The following MET variants were observed in gnomAD, a reference collection of about 807,000 sequenced individuals.
MET encodes hepatocyte growth factor receptor.
MET carries 48 observed loss-of-function variants against 133.1 expected under a neutral mutation model. The ratio of observed to expected loss-of-function variants is 0.36; its 90% CI spans 0.29 to 0.46. The LOEUF (loss-of-function observed/expected upper bound fraction) is 0.46, where lower values mean the gene tolerates loss of function less well. MET is among the 20% of genes least tolerant of loss of function. The pLI is 1.00. For missense variants in MET, 1,442 were observed against 1,695.9 expected, an observed-to-expected ratio of 0.85 and a Z score of 2.63; for synonymous variants, 628 against 616.5, an observed-to-expected ratio of 1.02 and a Z score of -0.28.
At chr7:116,785,247 T>G (rs981921630) in intron 19 of MET, among the ~76,000 whole-genome samples, 2 of 152,264 alleles carry the variant, frequency 1.3e-5, no homozygotes, top group South Asian at 4.1e-4. Flanking sequence ...GTGCAAACTG[T>G]CAGTGGATCT....
intron 2 of MET, among the ~76,000 whole-genome samples, chr7:116,722,887 C>A (rs1418288016): frequency 6.7e-6 from 1 of 148,736 alleles, no homozygotes; most frequent in African/African-American, 2.5e-5. Flanking sequence ...GAGGGTAACC[C>A]GACCTTTCTC....
At chr7:116,716,842 C>T (rs1209871985) in intron 2 of MET, among the ~76,000 whole-genome samples, 2 of 152,226 alleles carry the variant, frequency 1.3e-5, no homozygotes, top group Non-Finnish European at 2.9e-5. Flanking sequence ...CAGCCCGTGG[C>T]TGGCTGGCCG....
intron 19 of MET, among the ~76,000 whole-genome samples, chr7:116,790,331 C>T (rs1363674169): frequency 6.6e-6 from 1 of 152,202 alleles, no homozygotes; most frequent in African/African-American, 2.4e-5. Flanking sequence ...TTGACTACTT[C>T]AGATACCTCA....
At chr7:116,716,467 G>GAGAAAGAAAGAAAGAA (rs531059164) in intron 2 of MET, among the ~76,000 whole-genome samples, 26 of 108,266 alleles carry the variant, frequency 2.4e-4, no homozygotes, top group Middle Eastern at 4.2e-3. Flanking sequence ...AAGAAAGAAA[G>GAGAAAGAAAGAAAGAA]AGAAAGAAAG....
At position 116,759,481 on chromosome 7, in the gene MET, C is replaced by G; in HGVS notation, c.2355C>G (p.Asn785Lys). 3 of 1,613,300 alleles carry G rather than the reference C, an allele frequency of 1.9e-6. No homozygotes were observed. The South Asian group carries it at 3.3e-5, about 18-fold the overall frequency. The change falls in exon 10 of 21, where the codon AAC (asparagine) becomes AAG (lysine). Residue 785 changes from asparagine (N) to lysine (K), a missense_variant. By Grantham distance (94) the Asn-to-Lys change is moderately conservative. Coordinates refer to ENST00000397752, the MANE Select transcript of MET (RefSeq NM_000245.4). Reference protein sequence around the residue: ...MVINVHEAGRNFTVACQHRSN... With the variant: ...MVINVHEAGRKFTVACQHRSN... ...TAAATGTGCATGAAGCAGGAAGGAA[C>G]TTTACAGTGGTAAGTCCTTTGAGCA...
intron 1 of MET, among the ~76,000 whole-genome samples, chr7:116,689,022 C>G (rs1412196289): frequency 3.3e-5 from 5 of 152,114 alleles, no homozygotes; most frequent in Non-Finnish European, 7.4e-5. Context: ...TCTCCTATAG[C>G]CACCTGTATT....
At chr7:116,722,306 C>T (rs1314723459) in intron 2 of MET, among the ~76,000 whole-genome samples, 1 of 151,066 alleles carries the variant, frequency 6.6e-6, no homozygotes, top group African/African-American at 2.4e-5. Flanking sequence ...ATTGCAACCC[C>T]TGCCTTTTTT....
At chr7:116,672,842 G>A (rs1190849945) in intron 1 of MET, among the ~76,000 whole-genome samples, 1 of 152,150 alleles carries the variant, frequency 6.6e-6, no homozygotes, top group African/African-American at 2.4e-5. Context: ...GGTGATGTGT[G>A]ACTGTTACGG....
intron 1 of MET, among the ~76,000 whole-genome samples, chr7:116,698,476 T>C (rs1797043755): frequency 6.6e-6 from 1 of 152,212 alleles, no homozygotes; most frequent in Non-Finnish European, 1.5e-5. Flanking sequence ...TATAGCCAAA[T>C]TATAACCATA....
intron 9 of MET, among the ~76,000 whole-genome samples, chr7:116,759,099 C>T (rs548105693): frequency 6.6e-6 from 1 of 152,136 alleles, no homozygotes; most frequent in African/African-American, 2.4e-5. Context: ...AGTCTAGCAA[C>T]AATAGTTAAG....
chr7:116,742,537 A>T (rs1345664285), intron 5 of MET, among the ~76,000 whole-genome samples: 1 of 152,262 alleles, frequency 6.6e-6, no homozygotes, highest in African/African-American at 2.4e-5. Flanking sequence ...TTTCAAAAAT[A>T]ACCAAGCTGG....
At chr7:116,759,260 T>A (rs749876472) in intron 9 of MET, 131 bp from the exon 10 acceptor site, 7 of 1,368,014 alleles carry the variant, frequency 5.1e-6, no homozygotes, top group Non-Finnish European at 6.0e-6. Context: ...CAGTTACCCA[T>A]GAACTTCCAT....
At position 116,712,926 on chromosome 7, in the gene MET, A is replaced by G. The variant is rs952533058; in HGVS notation, c.1200+12642A>G. Among the ~76,000 whole-genome samples the G allele has an allele frequency of 4.6e-5, 7 of 152,266 alleles. No individual in the cohort carries two copies. The South Asian group carries it at 1.4e-3, about 32-fold the overall frequency. ...AGGTTTTCTCAAGCCTTTCAACAGC[A>G]CTCACCCTTTGAGCGGGTGATACCA... On this transcript the variant is annotated intron_variant, in intron 2 of 20. Coordinates refer to ENST00000397752, the MANE Select transcript of MET (RefSeq NM_000245.4).
chr7:116,793,024 C>T lies in MET; in HGVS notation c.3799-2631C>T, dbSNP rs1051323364. ...GTATTGTAGGTATGCAGGAGTGTCCCTCACCTATTCTTATTCAGAAACCTC... is the reference window on the plus strand; with the variant it reads ...GTATTGTAGGTATGCAGGAGTGTCCTTCACCTATTCTTATTCAGAAACCTC... On this transcript the variant is annotated intron_variant, in intron 19 of 20. Transcript: ENST00000397752. Among the ~76,000 whole-genome samples, 6 of 152,122 alleles carry T rather than the reference C, an allele frequency of 3.9e-5. No individual in the cohort carries two copies. The South Asian group carries it at 1.0e-3, about 26-fold the overall frequency.
chr7:116,733,589 C>A (rs892858706), intron 3 of MET, among the ~76,000 whole-genome samples: 5 of 151,986 alleles, frequency 3.3e-5, no homozygotes, highest in African/African-American at 1.2e-4. Context: ...ATTATAGAAA[C>A]GCTGTAGCAA....
intron 3 of MET, among the ~76,000 whole-genome samples, chr7:116,736,404 G>T (rs1793212063): frequency 6.6e-6 from 1 of 151,784 alleles, no homozygotes; most frequent in Non-Finnish European, 1.5e-5. Context: ...AAAACAATGG[G>T]GGAGGTATAC....
chr7:116,778,682 T>C (rs1309616793), intron 16 of MET, 94 bp from the exon 17 acceptor site: 4 of 1,270,194 alleles, frequency 3.1e-6, no homozygotes, highest in Non-Finnish European at 4.5e-6. Flanking sequence ...GCTAACTGTG[T>C]GGTTTACCAT....
At chr7:116,710,246 GGATATTAGTCAGTGTTTGAAAAAAT>G (rs2116653216) in intron 2 of MET, among the ~76,000 whole-genome samples, 1 of 152,278 alleles carries the variant, frequency 6.6e-6, no homozygotes, top group African/African-American at 2.4e-5. Flanking sequence ...CTGATATTAA[GGATATTAGTCAGTGTTTGAAAAAAT>G]GATTTGTAAT....
chr7:116,761,238 T>A (rs1794389308), intron 10 of MET, among the ~76,000 whole-genome samples: 1 of 152,234 alleles, frequency 6.6e-6, no homozygotes, highest in South Asian at 2.1e-4. Context: ...AAATCTTATT[T>A]GTTTATATAT....
Sources: gnomAD v4.1 joint callset for allele counts (sites outside exome capture counted in the v4.1 genomes callset) on GRCh38, gnomAD v4.1.1 for gene constraint, MANE v1.5 for transcripts, NCBI Gene and HGNC (gene_info 2026-07-23, HGNC 2026-07-21) for gene names.